Variants in PDE4D observed in about 807,000 individuals in gnomAD.
PDE4D encodes the protein phosphodiesterase 4D.
Under a neutral mutation model 87.4 loss-of-function variants are expected in PDE4D, and 24 were observed. The observed-to-expected ratio is 0.27, with a 90% CI of 0.20 to 0.39. PDE4D has a LOEUF of 0.39. Among genes scored for constraint, PDE4D ranks in the 10% least tolerant of loss-of-function variants. The pLI, the probability that PDE4D is intolerant of heterozygous loss-of-function variation, is 1.00. For missense variants in PDE4D, 714 were observed against 1,041.0 expected (o/e 0.69, Z 4.32); for synonymous variants, 384 against 383.2 (o/e 1.00, Z -0.02).
intron 6 of PDE4D, among the ~76,000 whole-genome samples, chr5:59,014,946 T>A (rs9716722): frequency 2.6e-5 from 4 of 151,982 alleles, no homozygotes; most frequent in African/African-American, 9.7e-5. Context: ...TGGAACAGAA[T>A]AGAGCCCTCA....
intron 1 of PDE4D, among the ~76,000 whole-genome samples, chr5:59,365,230 G>A (rs1298341237): frequency 4.6e-5 from 7 of 152,098 alleles, no homozygotes; most frequent in Admixed American, 3.9e-4. Flanking sequence ...AGGCCAAGGC[G>A]GACAGATCTC....
intron 1 of PDE4D, among the ~76,000 whole-genome samples, chr5:60,223,414 C>T (rs1744723051): frequency 1.3e-5 from 2 of 152,070 alleles, no homozygotes; most frequent in South Asian, 4.1e-4. Context: ...GAGAACAATA[C>T]TGAATGAGGG....
chr5:59,409,025 G>A (rs1196093144), intron 1 of PDE4D, among the ~76,000 whole-genome samples: 2 of 151,932 alleles, frequency 1.3e-5, no homozygotes, highest in Non-Finnish European at 2.9e-5. Flanking sequence ...GCGGGTGCCT[G>A]TAATCCCAGC....
chr5:60,404,161 C>CTTTTTTTTT (rs35780128), intron 1 of PDE4D, among the ~76,000 whole-genome samples: 1 of 119,392 alleles, frequency 8.4e-6, no homozygotes, highest in Admixed American at 8.9e-5. Flanking sequence ...TCAGCCAATT[C>CTTTTTTTTT]TTTTTTTTTT....
At chr5:59,142,186 T>C (rs1777993641) in intron 5 of PDE4D, among the ~76,000 whole-genome samples, 1 of 152,222 alleles carries the variant, frequency 6.6e-6, no homozygotes, top group African/African-American at 2.4e-5. Flanking sequence ...CAAAGGAAGG[T>C]AAATGAGTTC....
intron 2 of PDE4D, among the ~76,000 whole-genome samples, chr5:60,071,629 A>C (rs879588905): frequency 2.6e-5 from 4 of 152,098 alleles, no homozygotes; most frequent in Admixed American, 6.6e-5. Flanking sequence ...ATACATGTGC[A>C]AGTTTGTTAT....
intron 1 of PDE4D, among the ~76,000 whole-genome samples, chr5:60,247,203 A>T (rs1747884173): frequency 6.6e-6 from 1 of 151,952 alleles, no homozygotes; most frequent in African/African-American, 2.4e-5. Flanking sequence ...TTTGTTAGTG[A>T]GACTAATAAT....
chr5:59,191,009 T>C (rs1744178879), intron 3 of PDE4D, among the ~76,000 whole-genome samples: 1 of 152,214 alleles, frequency 6.6e-6, no homozygotes, highest in South Asian at 2.1e-4. Flanking sequence ...AAGCAAAGAC[T>C]TAATATACTA....
intron 1 of PDE4D, among the ~76,000 whole-genome samples, chr5:59,241,304 C>T (rs1429398629): frequency 6.6e-6 from 1 of 152,160 alleles, no homozygotes; most frequent in Non-Finnish European, 1.5e-5. Context: ...AGCCATGTCC[C>T]TGTTCTTTCT....
intron 1 of PDE4D, among the ~76,000 whole-genome samples, chr5:59,338,591 C>T (rs1337478663): frequency 6.6e-6 from 1 of 152,166 alleles, no homozygotes; most frequent in Admixed American, 6.5e-5. Flanking sequence ...AAGTCCATGT[C>T]CCTAAATTGT....
intron 2 of PDE4D, among the ~76,000 whole-genome samples, chr5:60,176,636 A>AT (rs1783920840): frequency 6.6e-6 from 1 of 152,158 alleles, no homozygotes; most frequent in African/African-American, 2.4e-5. Flanking sequence ...TGATCCCAGT[A>AT]TTTTCTAAAG....
rs989036460 is a variant in PDE4D at position 59,406,579 on chromosome 5, G to A, written c.456-190611C>T. Among the ~76,000 whole-genome samples the A allele has an allele frequency of 4.6e-5, 7 of 151,978 alleles. 1 individual carries two copies. Among genetic ancestry groups the A allele is most frequent in the Non-Finnish European group, 1.5e-5 (1 of 68,002 alleles). ...TAATTCTTGTATTTTTAGTAGAGAT[G>A]GGATTTCACCGTATTGGTCAGGCTG... On this transcript the variant is annotated intron_variant, in intron 1 of 14. Transcript: ENST00000340635.
At chr5:59,573,906 G>A (rs548842448) in intron 1 of PDE4D, among the ~76,000 whole-genome samples, 1 of 148,376 alleles carries the variant, frequency 6.7e-6, no homozygotes, top group Admixed American at 6.7e-5. Context: ...GCTGAGCTAG[G>A]AGAACCGCTT....
intron 1 of PDE4D, among the ~76,000 whole-genome samples, chr5:59,745,790 T>C (rs1157530472): frequency 6.6e-6 from 1 of 152,154 alleles, no homozygotes; most frequent in East Asian, 1.9e-4. Flanking sequence ...ACATGTTGCT[T>C]GCAGGGCGCA....
chr5:59,986,265 A>G, intron 3 of PDE4D: 1 of 152,690 alleles, frequency 6.5e-6, no homozygotes, highest in Non-Finnish European at 1.5e-5. Flanking sequence ...CATGTTGCCC[A>G]GGCTTGCCTC....
At chr5:60,187,804 C>T (rs1364212339) in intron 1 of PDE4D, among the ~76,000 whole-genome samples, 1 of 152,132 alleles carries the variant, frequency 6.6e-6, no homozygotes, top group Non-Finnish European at 1.5e-5. Flanking sequence ...GACTTTGGAA[C>T]CAAATAGGTA....
rs149683435 is a variant in PDE4D at position 60,273,504 on chromosome 5, A to C, written c.-89-87817T>G. 5.3e-4 allele frequency among the ~76,000 whole-genome samples: 81 copies of C among 152,336 alleles called. 1 individual carries two copies. The highest frequency in any genetic ancestry group is 3.4e-3 in the Middle Eastern group (1 of 294). Reference sequence around the variant, plus strand: ...AAGAGTTTTAGATCTAAGAAGTGGCAAGAATAAACATTCTCACTGCCATAT... The same window carrying C: ...AAGAGTTTTAGATCTAAGAAGTGGCCAGAATAAACATTCTCACTGCCATAT... On this transcript the variant is annotated intron_variant, in intron 1 of 16. Coordinates refer to the PDE4D transcript ENST00000502484.
chr5:59,022,225 C>A (rs2968005), intron 6 of PDE4D, among the ~76,000 whole-genome samples: 100,544 of 152,020 alleles, frequency 0.66, 33,574 homozygotes, highest in Admixed American at 0.73. Context: ...AAGGTTCAGT[C>A]CAACCAGGTT....
chr5:59,012,565 C>T (rs1293156733), intron 6 of PDE4D, among the ~76,000 whole-genome samples: 5 of 152,128 alleles, frequency 3.3e-5, no homozygotes, highest in East Asian at 1.9e-4. Context: ...AAGGCCATTA[C>T]AAAATGGTAA....
Sources: gnomAD v4.1 joint callset for allele counts (sites outside exome capture counted in the v4.1 genomes callset) on GRCh38, gnomAD v4.1.1 for gene constraint, MANE v1.5 for transcripts, NCBI Gene and HGNC (gene_info 2026-07-23, HGNC 2026-07-21) for gene names.